Variants in ITGA10 observed in about 807,000 individuals in gnomAD.
The protein encoded by ITGA10 is integrin alpha-10.
ITGA10 carries 105 observed loss-of-function variants against 145.2 expected under a neutral mutation model. That is an observed-to-expected ratio of 0.72 (90% confidence interval 0.62 to 0.85). The LOEUF is 0.85. Among genes scored for constraint, ITGA10 ranks in the 40% least tolerant of loss-of-function variants. The pLI is 0.00. For missense variants in ITGA10, 1,317 were observed against 1,444.5 expected (o/e 0.91, Z 1.43); for synonymous variants, 506 against 557.8 (o/e 0.91, Z 1.31).
In ITGA10 at chr1:145,897,002, C is replaced by T. The variant is rs782472672; in HGVS notation, c.2744+9G>A. On this transcript the variant is annotated intron_variant, in intron 22 of 29. Coordinates refer to ENST00000369304, the MANE Select transcript of ITGA10 (RefSeq NM_003637.5). The stretch of plus-strand genomic sequence containing the variant: ...GAGAGGTCTGGAAGAAAGTTCCCTT[C>T]ATTCTCACCTGCTGGCAGTCAGCTT... 6.2e-7 allele frequency: 1 copy of T among 1,612,590 alleles called. No individual in the cohort carries two copies. The highest frequency in any genetic ancestry group is 1.1e-5 in the South Asian group (1 of 91,068).
intron 17 of ITGA10, 77 bp downstream of exon 17, chr1:145,898,859 G>T: frequency 6.6e-7 from 1 of 1,515,566 alleles, no homozygotes; most frequent in Non-Finnish European, 8.9e-7. Flanking sequence ...TGCTGATTCA[G>T]CTAAAATTCC....
At chr1:145,896,908 C>T (rs1553745334) in intron 22 of ITGA10, 50 bp from the exon 23 acceptor site, 2 of 1,547,580 alleles carry the variant, frequency 1.3e-6, no homozygotes, top group East Asian at 4.5e-5. Context: ...CCTCAGAAGA[C>T]ACCCTTCTCT....
At chr1:145,895,206 G>A in intron 27 of ITGA10, 74 bp downstream of exon 27, 1 of 1,083,700 alleles carries the variant, frequency 9.2e-7, no homozygotes, top group Non-Finnish European at 1.4e-6. Flanking sequence ...ACGTGGGTCT[G>A]TCTACCTCCA....
chr1:145,893,676 T>C, intron 27 of ITGA10, 41 bp from the exon 28 acceptor site: 2 of 1,486,170 alleles, frequency 1.3e-6, no homozygotes, highest in Non-Finnish European at 1.9e-6. Context: ...AAATGAGCCA[T>C]TATCAGGTGA....
In ITGA10 at chr1:145,901,847, G is replaced by GT; in HGVS notation, c.1294+29dup. On this transcript the variant is annotated intron_variant, in intron 11 of 29. Transcript: ENST00000369304. The surrounding 1 kb of genome is among the most constrained non-coding windows in gnomAD (Gnocchi z 4.3). ...AGGGATGTATTTCCTCCCCTACCCT[G>GT]TAAGTCCTCTGCAACTCTCTGCTGC... The GT allele has an allele frequency of 1.2e-6, 2 of 1,613,606 alleles. No homozygotes were observed. The highest frequency in any genetic ancestry group is 1.7e-6 in the Non-Finnish European group (2 of 1,179,730).
chr1:145,907,175 T>C lies in ITGA10; in HGVS notation c.165-25A>G, dbSNP rs150149027. The C allele has an allele frequency of 7.2e-3, 11,167 of 1,558,806 alleles. 57 individuals are homozygous for C. The highest frequency in any genetic ancestry group is 8.6e-3 in the Non-Finnish European group (9,899 of 1,150,482). ...CCTGGGAAGAGGATGTGAATGTAAG[T>C]AAGCACAGGGCAAACATGACCCTTG... On this transcript the variant is annotated intron_variant, in intron 2 of 29. Transcript: ENST00000369304.
At chr1:145,903,980 G>A in intron 7 of ITGA10, 72 bp downstream of exon 7, 9 of 1,569,074 alleles carry the variant, frequency 5.7e-6, no homozygotes, top group Non-Finnish European at 7.9e-6. Context: ...GAGCCACCAT[G>A]CCTGGCCCCG....
At chr1:145,894,631 C>T (rs988781504) in intron 27 of ITGA10, among the ~76,000 whole-genome samples, 4 of 152,120 alleles carry the variant, frequency 2.6e-5, no homozygotes, top group Admixed American at 1.3e-4. Flanking sequence ...ATGCCATTTC[C>T]CTGCCCAGGA....
At position 145,896,007 on chromosome 1, in the gene ITGA10, T is replaced by C. The variant is rs782178067; in HGVS notation, c.3009A>G (p.Ser1003=). 1 of 1,613,558 alleles carries C rather than the reference T, an allele frequency of 6.2e-7. No homozygotes were observed. The highest frequency in any genetic ancestry group is 8.5e-7 in the Non-Finnish European group (1 of 1,179,664). ...CATTGTTAGTGATGACTTGAGACAGTGATAGGAAGTAATTGCCCCCATGGG... is the reference window on the plus strand; with the variant it reads ...CATTGTTAGTGATGACTTGAGACAGCGATAGGAAGTAATTGCCCCCATGGG... ...AVAHGGNYFL[S]LSQVITNNAS... The change falls in exon 25 of 30, where the codon TCA becomes TCG. Residue 1003 remains serine, a synonymous_variant. Transcript: ENST00000369304.
rs782652963 is a variant in ITGA10 at position 145,907,387 on chromosome 1, C to T, written c.131G>A (p.Ser44Asn). The change falls in exon 2 of 30, where the codon AGT becomes AAT. Residue 44 changes from serine to asparagine, a missense_variant. By Grantham distance (46) the Ser-to-Asn change is conservative (BLOSUM62 1). Transcript: ENST00000369304. ...PGPPEAEFGY[S>N]VLQHVGGGQR... Reference sequence around the variant, plus strand: ...TCCACCCCCAACATGTTGTAAGACACTGTATCCAAATTCAGCTTCTGGTGG... The same window carrying T: ...TCCACCCCCAACATGTTGTAAGACATTGTATCCAAATTCAGCTTCTGGTGG... The T allele has an allele frequency of 2.0e-5, 32 of 1,614,086 alleles. No individual in the cohort carries two copies. In the Admixed American group the frequency reaches 5.2e-4, roughly 26 times the overall value.
intron 7 of ITGA10, 63 bp from the exon 8 acceptor site, chr1:145,903,024 TACACAC>T (rs55794832): frequency 0.044 from 16,419 of 376,436 alleles, 298 homozygotes; most frequent in African/African-American, 0.13. Flanking sequence ...CACACACACA[TACACAC>T]ACACACACAC....
intron 27 of ITGA10, among the ~76,000 whole-genome samples, chr1:145,894,473 A>G (rs148262053): frequency 6.6e-6 from 1 of 152,318 alleles, no homozygotes; most frequent in East Asian, 1.9e-4. Flanking sequence ...AAAAGATACC[A>G]AAGAAGGACA....
At chr1:145,895,211 C>G in intron 27 of ITGA10, 69 bp downstream of exon 27, 1 of 1,158,088 alleles carries the variant, frequency 8.6e-7, no homozygotes, top group East Asian at 2.4e-5. Context: ...GGTCTGTCTA[C>G]CTCCAAAACC....
intron 17 of ITGA10, 103 bp from the exon 18 acceptor site, chr1:145,898,326 T>C (rs990628330): frequency 2.8e-5 from 16 of 562,664 alleles, no homozygotes; most frequent in Non-Finnish European, 4.5e-5. Flanking sequence ...TGTCCTAAGA[T>C]CTTAACTGTA....
At chr1:145,906,684 T>G in intron 4 of ITGA10, 49 bp downstream of exon 4, 1 of 1,478,656 alleles carries the variant, frequency 6.8e-7, no homozygotes, top group South Asian at 1.1e-5. Flanking sequence ...TTCTCTTTTT[T>G]CTTTTATGGA....
Position 145,897,890 on chromosome 1 carries a change from G to A in ITGA10, c.2357C>T (p.Ser786Leu). ...TTCATTGTCAGGGCCACAATCCTTT[G>A]AGAAGGGGACCTGGAAGAAAGGGAA... ...PTSIQKLVPF[S>L]KDCGPDNECV... Residue 786 changes from serine (S) to leucine (L), a missense_variant, in exon 19 of 30, where the codon TCA becomes TTA. Ser to Leu is a moderately radical substitution (Grantham distance 145, BLOSUM62 -2). Transcript: ENST00000369304. 1 of 1,613,812 alleles carries A rather than the reference G, an allele frequency of 6.2e-7. No individual in the cohort carries two copies. Among genetic ancestry groups the A allele is most frequent in the Non-Finnish European group, 8.5e-7 (1 of 1,179,704 alleles).
chr1:145,904,372 T>TTC (rs781805741), intron 6 of ITGA10, among the ~76,000 whole-genome samples, 172 bp from the exon 7 acceptor site: 1 of 151,774 alleles, frequency 6.6e-6, no homozygotes, highest in Non-Finnish European at 1.5e-5. Context: ...CATATTGCCT[T>TTC]TCTCTCTCTC....
chr1:145,895,409 G>C lies in ITGA10; in HGVS notation c.3115-16C>G. ...TGCTCCCATTCTAACAGAAGAGACAGAGAGAGACAGATCAGGACTCTGGGG... is the reference window on the plus strand; with the variant it reads ...TGCTCCCATTCTAACAGAAGAGACACAGAGAGACAGATCAGGACTCTGGGG... On this transcript the variant is annotated splice_polypyrimidine_tract_variant and intron_variant, in intron 26 of 29. Transcript: ENST00000369304. The C allele has an allele frequency of 1.3e-6, 2 of 1,529,174 alleles. No individual in the cohort carries two copies. Among genetic ancestry groups the C allele is most frequent in the East Asian group, 2.2e-5 (1 of 44,826 alleles). The allele number at this position is 1,529,174 out of a possible 1,614,324, so 94.7% of individuals were successfully genotyped here.
rs1294165664 is a variant in ITGA10, at chr1:145,893,254, C to A, written c.3345G>T (p.Gln1115His). 1.2e-6 allele frequency: 2 copies of A among 1,613,802 alleles called. No individual in the cohort carries two copies. Among genetic ancestry groups the A allele is most frequent in the African/African-American group, 1.3e-5 (1 of 74,914 alleles). The part of the protein sequence containing the change: ...RWSESLLEVV[Q>H]TRPILISLWI... ...ACAGGGAGATGAGGATAGGCCGGGT[C>A]TGAACCACCTCCAAGAGGCTCTGCG... is the stretch of plus-strand genomic sequence containing the variant. Residue 1115 changes from glutamine (Q) to histidine (H), a missense_variant, in exon 29 of 30, where the codon CAG (glutamine) becomes CAT (histidine). Gln to His is a conservative substitution (Grantham distance 24). Transcript: ENST00000369304.
Sources: allele counts gnomAD v4.1 joint callset (sites outside exome capture counted in the v4.1 genomes callset), GRCh38; gene constraint gnomAD v4.1.1; non-coding constraint Gnocchi (gnomAD v3.1); transcripts MANE v1.5; gene names NCBI Gene and HGNC (gene_info 2026-07-23, HGNC 2026-07-21).